The following PSTPIP2 variants were observed in gnomAD, a reference collection of about 807,000 sequenced individuals.
PSTPIP2 encodes the protein proline-serine-threonine phosphatase interacting protein 2.
Under a neutral mutation model 63.3 loss-of-function variants are expected in PSTPIP2, and 33 were observed. The ratio of observed to expected loss-of-function variants is 0.52; its 90% CI spans 0.40 to 0.70. The LOEUF (loss-of-function observed/expected upper bound fraction) is 0.70, where lower values mean the gene tolerates loss of function less well. Among genes scored for constraint, PSTPIP2 ranks in the 30% least tolerant of loss-of-function variants. The pLI is 0.00. For synonymous variants in PSTPIP2, 125 were observed against 132.7 expected, an observed-to-expected ratio of 0.94 and a Z score of 0.40; for missense variants, 312 against 400.7, an observed-to-expected ratio of 0.78 and a Z score of 1.89.
At chr18:45,998,757 A>G (rs758030500) in intron 8 of PSTPIP2, 37 bp downstream of exon 8, 4 of 1,606,072 alleles carry the variant, frequency 2.5e-6, no homozygotes, top group Non-Finnish European at 3.4e-6. Context: ...AAACCCCACC[A>G]GCAACCCTCC....
chr18:46,029,559 T>C (rs1385725331), intron 2 of PSTPIP2: 3 of 791,992 alleles, frequency 3.8e-6, no homozygotes, highest in Non-Finnish European at 6.9e-6. Context: ...ATATAAATAA[T>C]CAAGATTCTT....
At chr18:45,998,861 CAAAA>C in intron 7 of PSTPIP2, 22 bp from the exon 8 acceptor site, 1 of 1,612,420 alleles carries the variant, frequency 6.2e-7, no homozygotes. Context: ...AACAAACAAA[CAAAA>C]AAAGAGCAAG....
rs75859911 is a variant in PSTPIP2, at chr18:46,028,695, A to G, written c.135-4009T>C. 4.4e-4 allele frequency: 385 copies of G among 868,590 alleles called. No individual in the cohort carries two copies. In the African/African-American group the frequency reaches 5.5e-3, roughly 12 times the overall value. The allele number at this position is 868,590 out of a possible 1,614,324, so 53.8% of individuals were successfully genotyped here. ...GATGAACAATCGGTTTCGGAAAGAT[A>G]ATGATGAAAAATGCTAGTGAAAGTA... On this transcript the variant is annotated intron_variant, in intron 2 of 14. Coordinates refer to ENST00000409746, the MANE Select transcript of PSTPIP2 (RefSeq NM_024430.4).
At chr18:46,007,547 T>C (rs1474465760) in intron 5 of PSTPIP2, among the ~76,000 whole-genome samples, 1 of 152,266 alleles carries the variant, frequency 6.6e-6, no homozygotes, top group African/African-American at 2.4e-5. Flanking sequence ...TATTTAATAA[T>C]GGTTCCCAAT....
chr18:45,992,250 G>T, intron 10 of PSTPIP2, 48 bp from the exon 11 acceptor site: 2 of 1,450,386 alleles, frequency 1.4e-6, no homozygotes, highest in Non-Finnish European at 1.9e-6. Context: ...TGAGATCATT[G>T]TGACACAGCT....
chr18:46,030,953 A>C (rs1907770037), intron 2 of PSTPIP2, among the ~76,000 whole-genome samples: 1 of 152,184 alleles, frequency 6.6e-6, no homozygotes, highest in African/African-American at 2.4e-5. Context: ...AGAATTCTTT[A>C]TTTAATTCAA....
intron 2 of PSTPIP2, among the ~76,000 whole-genome samples, chr18:46,035,110 A>G (rs1030626801): frequency 6.6e-6 from 1 of 152,128 alleles, no homozygotes; most frequent in Non-Finnish European, 1.5e-5. Flanking sequence ...CTAAAGTCCT[A>G]TGTAGAATGT....
chr18:46,050,088 A>G (rs1431690321), intron 1 of PSTPIP2, among the ~76,000 whole-genome samples: 1 of 152,226 alleles, frequency 6.6e-6, no homozygotes, highest in Admixed American at 6.5e-5. Context: ...GCAAGGAACT[A>G]TAGGGAAATA....
intron 5 of PSTPIP2, among the ~76,000 whole-genome samples, chr18:46,006,056 C>G (rs570377323): frequency 6.6e-6 from 1 of 152,024 alleles, no homozygotes. Flanking sequence ...TCTTTTATTC[C>G]ATTTTTTTAT....
At chr18:46,056,492 T>C (rs962190118) in intron 1 of PSTPIP2, among the ~76,000 whole-genome samples, 1 of 152,276 alleles carries the variant, frequency 6.6e-6, no homozygotes, top group East Asian at 1.9e-4. Flanking sequence ...GGTGGGAGGA[T>C]CGCTTGGGCC....
At chr18:46,029,921 C>T in intron 2 of PSTPIP2, 1 of 262,052 alleles carries the variant, frequency 3.8e-6, no homozygotes, top group Non-Finnish European at 7.5e-6. Context: ...TCAAGACCAG[C>T]CTGACCAACA....
intron 2 of PSTPIP2, among the ~76,000 whole-genome samples, chr18:46,030,696 A>G (rs980800250): frequency 6.6e-6 from 1 of 152,236 alleles, no homozygotes; most frequent in Non-Finnish European, 1.5e-5. Flanking sequence ...TCTTTTGCCA[A>G]AATAGTTCAA....
rs532775826 is a variant in PSTPIP2, at chr18:45,985,780, A to AT, written c.*9-331dup. On this transcript the variant is annotated intron_variant, in intron 14 of 14. Coordinates refer to ENST00000409746, the MANE Select transcript of PSTPIP2 (RefSeq NM_024430.4). ...CAAATTCCTAACTCTTCTTGTTTAA[A>AT]TTTTTTTTTTTTTTGAGACAGAGTC... Among the ~76,000 whole-genome samples, 306 of 147,474 alleles carry AT rather than the reference A, an allele frequency of 2.1e-3. 1 individual carries two copies. Among genetic ancestry groups the AT allele is most frequent in the African/African-American group, 2.8e-3 (115 of 40,570 alleles).
intron 2 of PSTPIP2, among the ~76,000 whole-genome samples, chr18:46,028,115 C>T (rs373211747): frequency 1.3e-5 from 2 of 152,170 alleles, no homozygotes; most frequent in African/African-American, 2.4e-5. Context: ...GAGCCAAGAT[C>T]GCGCCATTGC....
At position 46,051,430 on chromosome 18, in the gene PSTPIP2, G is replaced by A. The variant is rs545956499; in HGVS notation, c.34-11383C>T. Among the ~76,000 whole-genome samples, 7 of 151,988 alleles carry A rather than the reference G, an allele frequency of 4.6e-5. No individual in the cohort carries two copies. In the East Asian group the frequency reaches 9.8e-4, roughly 21 times the overall value. ...GTGGAGGTTGCAGTGAGCCAAGATCGCGCCACTGCACTCCACCCCGGCTAC... is the reference window on the plus strand; with the variant it reads ...GTGGAGGTTGCAGTGAGCCAAGATCACGCCACTGCACTCCACCCCGGCTAC... On this transcript the variant is annotated intron_variant, in intron 1 of 14. Coordinates refer to ENST00000409746, the MANE Select transcript of PSTPIP2 (RefSeq NM_024430.4).
intron 1 of PSTPIP2, among the ~76,000 whole-genome samples, chr18:46,056,195 C>G (rs746156604): frequency 2.6e-5 from 4 of 152,196 alleles, no homozygotes; most frequent in Non-Finnish European, 4.4e-5. Context: ...GATCCCTTAG[C>G]TGGTCTGGGA....
intron 2 of PSTPIP2, among the ~76,000 whole-genome samples, 158 bp downstream of exon 2, chr18:46,039,789 C>T (rs1908122171): frequency 6.6e-6 from 1 of 152,134 alleles, no homozygotes; most frequent in African/African-American, 2.4e-5. Context: ...AACTTTAGGA[C>T]AGAAGTATCA....
intron 2 of PSTPIP2, among the ~76,000 whole-genome samples, chr18:46,034,106 T>C (rs1280452710): frequency 2.6e-5 from 4 of 152,020 alleles, no homozygotes; most frequent in Non-Finnish European, 5.9e-5. Flanking sequence ...CCGACCACAG[T>C]GAGGGTCCCG....
chr18:46,069,193 C>T lies in PSTPIP2; in HGVS notation c.33+2963G>A, dbSNP rs113678077. 3.8e-3 allele frequency among the ~76,000 whole-genome samples: 572 copies of T among 152,286 alleles called. 6 individuals carry two copies. Among genetic ancestry groups the T allele is most frequent in the African/African-American group, 0.013 (544 of 41,548 alleles). On this transcript the variant is annotated intron_variant, in intron 1 of 14. Coordinates refer to ENST00000409746, the MANE Select transcript of PSTPIP2 (RefSeq NM_024430.4). ...ACTGCTTTCATCTACCCTTCCAAAACGGGTCCCACTGTCACCCGTGCATGC... is the reference window on the plus strand; with the variant it reads ...ACTGCTTTCATCTACCCTTCCAAAATGGGTCCCACTGTCACCCGTGCATGC...
Sources: gnomAD v4.1 joint callset for allele counts (sites outside exome capture counted in the v4.1 genomes callset) on GRCh38, gnomAD v4.1.1 for gene constraint, MANE v1.5 for transcripts, NCBI Gene and HGNC (gene_info 2026-07-23, HGNC 2026-07-21) for gene names.